Variants in NT5DC1 observed in about 807,000 individuals in gnomAD.
NT5DC1 encodes 5'-nucleotidase domain-containing protein 1.
In NT5DC1, 42 loss-of-function variants were observed where a neutral mutation model predicts 59.4. The observed-to-expected ratio is 0.71, with a 90% confidence interval of 0.55 to 0.92. The LOEUF is 0.92. NT5DC1 is among the 40% of genes least tolerant of loss of function. The pLI is 0.00. For synonymous variants in NT5DC1, 172 were observed against 188.1 expected (o/e 0.91, Z 0.70); for missense variants, 501 against 537.1 (o/e 0.93, Z 0.66).
chr6:116,120,412 G>A, intron 6 of NT5DC1: 1 of 1,614,240 alleles, frequency 6.2e-7, no homozygotes, highest in Non-Finnish European at 8.5e-7. Context: ...CAAATGGTAT[G>A]GGAGTTCCTA....
chr6:116,168,631 GTTTGT>G (rs1460461940), intron 6 of NT5DC1, among the ~76,000 whole-genome samples: 1 of 151,470 alleles, frequency 6.6e-6, no homozygotes, highest in Non-Finnish European at 1.5e-5. Flanking sequence ...TTTTTTGATT[GTTTGT>G]TTTGTTTTTA....
intron 8 of NT5DC1, among the ~76,000 whole-genome samples, chr6:116,236,487 A>G (rs1782115887): frequency 6.6e-6 from 1 of 152,202 alleles, no homozygotes; most frequent in African/African-American, 2.4e-5. Flanking sequence ...ACCCACCCCA[A>G]GCTGGTACTA....
At chr6:116,125,352 G>C (rs754619889) in intron 6 of NT5DC1, 1 of 1,613,628 alleles carries the variant, frequency 6.2e-7, no homozygotes, top group South Asian at 1.1e-5. Flanking sequence ...TACTCTTTAT[G>C]GTGTAGGGAA....
At chr6:116,239,534 G>A (rs1395717189) in intron 11 of NT5DC1, among the ~76,000 whole-genome samples, 1 of 152,210 alleles carries the variant, frequency 6.6e-6, no homozygotes, top group African/African-American at 2.4e-5. Context: ...CCTGCCTAAG[G>A]AGGGTGGGTC....
chr6:116,149,950 G>A (rs1345841912), intron 6 of NT5DC1, among the ~76,000 whole-genome samples: 3 of 152,206 alleles, frequency 2.0e-5, no homozygotes, highest in Non-Finnish European at 4.4e-5. Context: ...GGTTGAAAGT[G>A]TTGCTACATT....
rs192188152 is a variant in NT5DC1, at chr6:116,127,813, G to A, written c.529+9868G>A. ...ACCCTGTTAGTTATCACTCGTGAAC[G>A]TTCAGAAGACTAATTCTCAGCTCTT... is the stretch of plus-strand genomic sequence containing the variant. On this transcript the variant is annotated intron_variant, in intron 6 of 11. Transcript: ENST00000319550. 5.6e-4 allele frequency among the ~76,000 whole-genome samples: 85 copies of A among 152,212 alleles called. 1 individual carries two copies. The highest frequency in any genetic ancestry group is 1.5e-3 in the African/African-American group (61 of 41,536).
At chr6:116,145,482 T>A (rs1237583475) in intron 6 of NT5DC1, 1 of 374,226 alleles carries the variant, frequency 2.7e-6, no homozygotes, top group Admixed American at 2.4e-5. Flanking sequence ...ATCTACAAGT[T>A]TCATACTTAT....
chr6:116,170,057 G>T (rs989876991), intron 6 of NT5DC1, among the ~76,000 whole-genome samples: 1 of 152,170 alleles, frequency 6.6e-6, no homozygotes, highest in Non-Finnish European at 1.5e-5. Flanking sequence ...AGCCATAAGC[G>T]ACATTGTCCA....
intron 6 of NT5DC1, among the ~76,000 whole-genome samples, chr6:116,185,139 A>C (rs138461289): frequency 0.025 from 3,793 of 152,218 alleles, 141 homozygotes; most frequent in African/African-American, 0.086. Context: ...ATTCAGGAGC[A>C]AGTTATTTAA....
At chr6:116,237,506 G>C (rs550592962) in intron 9 of NT5DC1, 16 of 457,572 alleles carry the variant, frequency 3.5e-5, no homozygotes, top group South Asian at 2.5e-4. Context: ...TGGGGTAACA[G>C]AGCCCTGCTC....
chr6:116,205,678 A>G (rs901610493), intron 6 of NT5DC1, among the ~76,000 whole-genome samples: 1 of 151,958 alleles, frequency 6.6e-6, no homozygotes, highest in Non-Finnish European at 1.5e-5. Flanking sequence ...TTCCGTCTTT[A>G]TTCTGATTTT....
rs762721417 is a variant in NT5DC1, at chr6:116,121,551, C to T, written c.529+3606C>T. On this transcript the variant is annotated intron_variant, in intron 6 of 11. Coordinates refer to ENST00000319550, the MANE Select transcript of NT5DC1 (RefSeq NM_152729.3). ...CCAGGAGCACCATATCCCATTTCCCCTTTCTGTCCATTCATACCAGGGACT... is the reference window on the plus strand; with the variant it reads ...CCAGGAGCACCATATCCCATTTCCCTTTTCTGTCCATTCATACCAGGGACT... 3 of 1,614,148 alleles carry T rather than the reference C, an allele frequency of 1.9e-6. No individual in the cohort carries two copies. Among genetic ancestry groups the T allele is most frequent in the African/African-American group, 1.3e-5 (1 of 75,024 alleles).
chr6:116,246,696 A>G lies in NT5DC1; in HGVS notation c.*2672A>G, dbSNP rs960013755. On this transcript the variant is annotated 3_prime_UTR_variant, in exon 12 of 12. Coordinates refer to ENST00000319550, the MANE Select transcript of NT5DC1 (RefSeq NM_152729.3). ...TCAGCCTCTTGAGTACAAGAAGACT[A>G]TCATAAGAGTTAGTTCCAGATTGGT... 1 of 152,182 alleles carries G rather than the reference A, an allele frequency of 6.6e-6. No homozygotes were observed. The highest frequency in any genetic ancestry group is 1.5e-5 in the Non-Finnish European group (1 of 67,998). 9.4% of individuals were successfully genotyped at this position (152,182 alleles called of 1,614,324 possible).
intron 6 of NT5DC1, chr6:116,121,546 T>G (rs1298805118): frequency 6.2e-7 from 1 of 1,613,986 alleles, no homozygotes; most frequent in East Asian, 2.2e-5. Flanking sequence ...CATATCCCAT[T>G]TCCCCTTTCT....
Position 116,100,997 on chromosome 6 carries a change from C to T in NT5DC1, c.67C>T (p.Arg23Cys). The change falls in exon 1 of 12, where the codon CGC becomes TGC. Residue 23 changes from arginine (R) to cysteine (C), a missense_variant. Transcript: ENST00000319550. Reference protein sequence around the residue: ...VGFDLDHTLCRYNLPESAPLI... With the variant: ...VGFDLDHTLCCYNLPESAPLI... ...ATTCGACCTGGACCACACTCTGTGT[C>T]GCTACAACCTGCCCGAGAGCGCCCC... 1 of 1,601,644 alleles carries T rather than the reference C, an allele frequency of 6.2e-7. No homozygotes were observed.
chr6:116,232,764 C>T (rs1231941540), intron 8 of NT5DC1, among the ~76,000 whole-genome samples: 3 of 152,086 alleles, frequency 2.0e-5, no homozygotes, highest in Non-Finnish European at 4.4e-5. Flanking sequence ...CTGTCAAAAA[C>T]TTTACTGTTT....
intron 2 of NT5DC1, among the ~76,000 whole-genome samples, chr6:116,107,913 C>G (rs1778798094): frequency 6.6e-6 from 1 of 152,076 alleles, no homozygotes; most frequent in South Asian, 2.1e-4. Context: ...ATGGCAAGTT[C>G]TTGTAACCTG....
chr6:116,220,448 C>A (rs1376022777), intron 6 of NT5DC1, among the ~76,000 whole-genome samples: 1 of 152,180 alleles, frequency 6.6e-6, no homozygotes, highest in Non-Finnish European at 1.5e-5. Flanking sequence ...GCGAGTCATT[C>A]ATTGTTCCCT....
At chr6:116,211,886 TC>T (rs1463255910) in intron 6 of NT5DC1, among the ~76,000 whole-genome samples, 2 of 151,988 alleles carry the variant, frequency 1.3e-5, no homozygotes, top group African/African-American at 2.4e-5. Context: ...CCTGCTCTGA[TC>T]CCCCAACACA....
Sources: allele counts gnomAD v4.1 joint callset (sites outside exome capture counted in the v4.1 genomes callset), GRCh38; gene constraint gnomAD v4.1.1; transcripts MANE v1.5; gene names NCBI Gene and HGNC (gene_info 2026-07-23, HGNC 2026-07-21).